WDR7: variants seen among roughly 807,000 people sequenced by gnomAD.
WDR7 encodes WD repeat-containing protein 7.
In WDR7, 46 loss-of-function variants were observed where a neutral mutation model predicts 169.4. The ratio of observed to expected loss-of-function variants is 0.27; its 90% CI spans 0.21 to 0.35. The LOEUF (loss-of-function observed/expected upper bound fraction) is 0.35, where lower values mean the gene tolerates loss of function less well. Ranked by LOEUF, WDR7 falls within the 10% of genes least tolerant of loss-of-function variation. The pLI, the probability that WDR7 is intolerant of heterozygous loss-of-function variation, is 1.00. For synonymous variants in WDR7, 612 were observed against 666.8 expected (o/e 0.92, Z 1.27); for missense variants, 1,534 against 1,859.3 (o/e 0.83, Z 3.22).
chr18:56,687,421 A>C (rs1465109921), intron 7 of WDR7, among the ~76,000 whole-genome samples: 2 of 152,218 alleles, frequency 1.3e-5, no homozygotes, highest in Admixed American at 1.3e-4. Context: ...CCAGACTTTA[A>C]TATTTCCATA....
intron 14 of WDR7, among the ~76,000 whole-genome samples, chr18:56,752,008 AATGTTT>A (rs1420853633): frequency 6.6e-6 from 1 of 152,188 alleles, no homozygotes; most frequent in Non-Finnish European, 1.5e-5. Flanking sequence ...CTGGTAGATA[AATGTTT>A]ATACAATTAA....
downstream of WDR7, chr18:57,030,757 C>G (rs1399639773): frequency 1.3e-5 from 2 of 152,066 alleles, no homozygotes; most frequent in Admixed American, 6.5e-5. Context: ...ATTTTTAAAG[C>G]CTGACACTTC....
At chr18:56,861,551 A>T (rs2045804834) in intron 20 of WDR7, among the ~76,000 whole-genome samples, 1 of 152,202 alleles carries the variant, frequency 6.6e-6, no homozygotes. Flanking sequence ...GCAGCAGAGC[A>T]GTCGAGTATT....
At position 57,016,120 on chromosome 18, in the gene WDR7, C is replaced by A. The variant is rs116363403; in HGVS notation, c.4165-4625C>A. ...GAGGACGTATTTCGGCTCAGCAGAC[C>A]TTTCAAGCGCCCCTCAAATTGCAAC... On this transcript the variant is annotated intron_variant, in intron 26 of 27. Coordinates refer to ENST00000254442, the MANE Select transcript of WDR7 (RefSeq NM_015285.3). 4.1e-3 allele frequency among the ~76,000 whole-genome samples: 625 copies of A among 152,216 alleles called. 4 individuals carry two copies. Among genetic ancestry groups the A allele is most frequent in the African/African-American group, 0.014 (593 of 41,516 alleles).
Position 57,028,539 on chromosome 18 carries a change from T to G in WDR7, c.*1332T>G, listed in dbSNP as rs939402117. On this transcript the variant is annotated 3_prime_UTR_variant, in exon 28 of 28. Coordinates refer to ENST00000254442, the MANE Select transcript of WDR7 (RefSeq NM_015285.3). ...TGGTTAGTTGGGCAAAATCATTTAT[T>G]ACATGCAAAAATAGAAAATTATTTG... The G allele has an allele frequency of 3.9e-5, 6 of 152,230 alleles. No individual in the cohort carries two copies. Among genetic ancestry groups the G allele is most frequent in the Admixed American group, 1.3e-4 (2 of 15,278 alleles). 9.4% of individuals were successfully genotyped at this position (152,230 alleles called of 1,614,324 possible).
At chr18:56,845,332 T>A (rs137956470) in intron 20 of WDR7, among the ~76,000 whole-genome samples, 2,657 of 152,230 alleles carry the variant, frequency 0.017, 64 homozygotes, top group African/African-American at 0.059. Context: ...GAGTATTTTT[T>A]AATTTTTCTA....
chr18:56,667,284 A>G lies in WDR7; in HGVS notation c.-19-5213A>G, dbSNP rs538367490. On this transcript the variant is annotated intron_variant, in intron 1 of 27. Transcript: ENST00000254442. Reference sequence around the variant, plus strand: ...TTGTTCTTCCTCTGTAATGTCTCCTATTTTTCTTTCAGTACTCTAACTTTA... The same window carrying G: ...TTGTTCTTCCTCTGTAATGTCTCCTGTTTTTCTTTCAGTACTCTAACTTTA... Among the ~76,000 whole-genome samples the G allele has an allele frequency of 2.2e-3, 327 of 151,594 alleles. 1 individual carries two copies. Among genetic ancestry groups the G allele is most frequent in the African/African-American group, 7.6e-3 (315 of 41,278 alleles).
At chr18:57,029,927 C>G (rs1166593492), downstream of WDR7, 1 of 152,236 alleles carries the variant, frequency 6.6e-6, no homozygotes, top group African/African-American at 2.4e-5. Flanking sequence ...GGAAAGGCAA[C>G]TTATTCCCAG....
intron 21 of WDR7, among the ~76,000 whole-genome samples, chr18:56,898,373 GAC>G (rs2046357084): frequency 6.6e-6 from 1 of 152,046 alleles, no homozygotes; most frequent in Non-Finnish European, 1.5e-5. Flanking sequence ...AATTGTTGCA[GAC>G]AAGATTCAGG....
intron 26 of WDR7, among the ~76,000 whole-genome samples, chr18:56,982,346 G>A (rs932331885): frequency 3.9e-5 from 6 of 152,134 alleles, no homozygotes; most frequent in Non-Finnish European, 8.8e-5. Context: ...AGCATTATTC[G>A]TTTCACAACA....
intron 19 of WDR7, among the ~76,000 whole-genome samples, chr18:56,813,413 G>T (rs1168692110): frequency 6.6e-6 from 1 of 151,750 alleles, no homozygotes; most frequent in South Asian, 2.1e-4. Flanking sequence ...TAGGCTTTTA[G>T]TAGATGCTGT....
Position 56,924,124 on chromosome 18 carries a change from G to A in WDR7, c.3713+16G>A, listed in dbSNP as rs1244969130. On this transcript the variant is annotated intron_variant, in intron 22 of 27. Transcript: ENST00000254442. ...AACTTGCCAAGTATGTGTGGATTCC[G>A]GTTAATTTAATTTGTCACTGTTTTT... 5 of 1,606,744 alleles carry A rather than the reference G, an allele frequency of 3.1e-6. No individual in the cohort carries two copies. The highest frequency in any genetic ancestry group is 2.2e-5 in the East Asian group (1 of 44,626).
At chr18:56,950,972 G>T (rs1261808106) in intron 25 of WDR7, among the ~76,000 whole-genome samples, 3 of 152,130 alleles carry the variant, frequency 2.0e-5, no homozygotes, top group Non-Finnish European at 2.9e-5. Context: ...TAGGCTCAGG[G>T]CCCATTAGTC....
chr18:56,843,798 G>A (rs2045523009), intron 20 of WDR7, among the ~76,000 whole-genome samples: 2 of 150,852 alleles, frequency 1.3e-5, no homozygotes, highest in Admixed American at 6.6e-5. Context: ...TACTAGCGGT[G>A]CATTATAGTC....
intron 20 of WDR7, among the ~76,000 whole-genome samples, chr18:56,831,648 T>C (rs1249004968): frequency 1.3e-5 from 2 of 151,670 alleles, no homozygotes; most frequent in African/African-American, 4.8e-5. Flanking sequence ...TTCATCTCAC[T>C]GAGACTGGTT....
chr18:56,770,885 G>A (rs759537222), intron 16 of WDR7, among the ~76,000 whole-genome samples: 22 of 152,050 alleles, frequency 1.4e-4, no homozygotes, highest in Admixed American at 2.0e-4. Flanking sequence ...CTAATGGAAA[G>A]GGTCTATATT....
At chr18:56,813,180 T>TAA (rs373136606) in intron 19 of WDR7, among the ~76,000 whole-genome samples, 108 of 133,434 alleles carry the variant, frequency 8.1e-4, no homozygotes, top group Non-Finnish European at 1.5e-3. Context: ...TAGAGTATAA[T>TAA]AAAAAAAAAA....
intron 9 of WDR7, among the ~76,000 whole-genome samples, chr18:56,694,370 T>C (rs1434605414): frequency 6.6e-6 from 1 of 152,218 alleles, no homozygotes; most frequent in Admixed American, 6.5e-5. Flanking sequence ...ATGCTAACTT[T>C]AGAGAAAGGC....
At chr18:56,738,227 ATCT>A (rs2026742511) in intron 14 of WDR7, among the ~76,000 whole-genome samples, 1 of 152,204 alleles carries the variant, frequency 6.6e-6, no homozygotes, top group South Asian at 2.1e-4. Flanking sequence ...AATAATCATG[ATCT>A]TCTAACATGC....
Sources: gnomAD v4.1 joint callset for allele counts (sites outside exome capture counted in the v4.1 genomes callset) on GRCh38, gnomAD v4.1.1 for gene constraint, MANE v1.5 for transcripts, NCBI Gene and HGNC (gene_info 2026-07-23, HGNC 2026-07-21) for gene names.